The following MICAL2 variants were observed in gnomAD, a reference collection of about 807,000 sequenced individuals.
MICAL2 encodes [F-actin]-monooxygenase MICAL2.
MICAL2 carries 77 observed loss-of-function variants against 127.3 expected under a neutral mutation model. The ratio of observed to expected loss-of-function variants is 0.60; its 90% CI spans 0.50 to 0.73. MICAL2 has a LOEUF of 0.73. MICAL2 is among the 30% of genes least tolerant of loss of function. The pLI, the probability that MICAL2 is intolerant of heterozygous loss-of-function variation, is 0.00. For synonymous variants in MICAL2, 570 were observed against 551.1 expected (o/e 1.03, Z -0.48); for missense variants, 1,351 against 1,434.4 (o/e 0.94, Z 0.94).
intron 29 of MICAL2, among the ~76,000 whole-genome samples, chr11:12,310,872 G>A (rs1360685241): frequency 1.3e-5 from 2 of 151,752 alleles, no homozygotes; most frequent in Admixed American, 6.6e-5. Context: ...AGTTTTTCTT[G>A]TAGAGATCTT....
Position 12,223,514 on chromosome 11 carries a change from C to G in MICAL2, c.1540+13C>G, listed in dbSNP as rs1245755269. ...CTCTCCAGGAAGGGTAAGCGGCCCT[C>G]CTGGGACCCTGGTGGGTGGCTGGGA... On this transcript the variant is annotated intron_variant, in intron 12 of 27. Coordinates refer to ENST00000683283, the MANE Select transcript of MICAL2 (RefSeq NM_001282663.2). 1.9e-6 allele frequency: 3 copies of G among 1,610,588 alleles called. No homozygotes were observed. In the South Asian group the frequency reaches 3.3e-5, roughly 18 times the overall value.
chr11:12,249,091 G>A (rs1437647500), intron 21 of MICAL2, 93 bp from the exon 22 acceptor site: 1 of 1,545,244 alleles, frequency 6.5e-7, no homozygotes, highest in East Asian at 2.3e-5. Flanking sequence ...AATGCCTGAA[G>A]TATCCTGTAA....
intron 3 of MICAL2, chr11:12,197,795 T>G (rs1198107694): frequency 6.6e-6 from 1 of 152,228 alleles, no homozygotes; most frequent in Non-Finnish European, 1.5e-5. Context: ...CTGCAGCTAC[T>G]GGTTACAGTT....
intron 9 of MICAL2, among the ~76,000 whole-genome samples, chr11:12,221,120 G>T (rs979418939): frequency 1.3e-5 from 2 of 152,134 alleles, no homozygotes; most frequent in African/African-American, 4.8e-5. Flanking sequence ...TTGAACCTAA[G>T]GCCCTTGGTT....
At chr11:12,327,708 AT>A (rs1434225590) in intron 32 of MICAL2, among the ~76,000 whole-genome samples, 1 of 150,908 alleles carries the variant, frequency 6.6e-6, no homozygotes, top group Non-Finnish European at 1.5e-5. Context: ...GGCCAGTCAC[AT>A]TATAAACCTT....
At chr11:12,147,732 C>T (rs544892442) in intron 2 of MICAL2, among the ~76,000 whole-genome samples, 1 of 152,202 alleles carries the variant, frequency 6.6e-6, no homozygotes, top group South Asian at 2.1e-4. Flanking sequence ...CAGCACCTAG[C>T]AAGGCCCCAG....
At chr11:12,119,462 G>C (rs2133455915) in intron 1 of MICAL2, among the ~76,000 whole-genome samples, 1 of 152,310 alleles carries the variant, frequency 6.6e-6, no homozygotes, top group South Asian at 2.1e-4. Context: ...TTTTAGAGCA[G>C]CACTTAAATT....
intron 32 of MICAL2, among the ~76,000 whole-genome samples, chr11:12,345,387 G>A (rs1307073040): frequency 6.6e-6 from 1 of 152,204 alleles, no homozygotes; most frequent in African/African-American, 2.4e-5. Context: ...CCAGTTTGGT[G>A]CATATAGAGT....
intron 3 of MICAL2, among the ~76,000 whole-genome samples, chr11:12,169,186 T>C (rs1312323014): frequency 1.3e-5 from 2 of 151,488 alleles, no homozygotes; most frequent in Non-Finnish European, 2.9e-5. Context: ...TATGGATGCA[T>C]GCACTGCCCC....
chr11:12,164,758 T>C (rs572406266), intron 3 of MICAL2, among the ~76,000 whole-genome samples: 138 of 152,296 alleles, frequency 9.1e-4, no homozygotes, highest in African/African-American at 3.3e-3. Context: ...GCTACTGTGA[T>C]TGGCAGCCCT....
chr11:12,220,164 G>T lies in MICAL2; in HGVS notation c.949-37G>T, dbSNP rs200327067. ...TGGGTATGAAGGCTAGCCCTTTAGA[G>T]GGGGAGGTTGCTGCACCATGTTTTC... On this transcript the variant is annotated intron_variant, in intron 8 of 27. Transcript: ENST00000683283. 21 of 1,611,748 alleles carry T rather than the reference G, an allele frequency of 1.3e-5. No individual in the cohort carries two copies. The East Asian group carries it at 3.1e-4, about 24-fold the overall frequency.
chr11:12,295,945 C>A (rs1863980606), downstream of MICAL2, among the ~76,000 whole-genome samples: 2 of 152,094 alleles, frequency 1.3e-5, no homozygotes, highest in South Asian at 4.2e-4. Flanking sequence ...AGCCTAAACA[C>A]TTACGCATAT....
At chr11:12,240,948 C>G in intron 17 of MICAL2, 92 bp from the exon 18 acceptor site, 3 of 1,496,078 alleles carry the variant, frequency 2.0e-6, no homozygotes, top group African/African-American at 1.4e-5. Flanking sequence ...CCCTGCTCCT[C>G]TTCTCTTCTC....
intron 32 of MICAL2, among the ~76,000 whole-genome samples, chr11:12,331,920 G>C (rs1827895678): frequency 6.6e-6 from 1 of 151,996 alleles, no homozygotes; most frequent in Admixed American, 6.6e-5. Context: ...TTATTTGTTT[G>C]TTCATCCATT....
chr11:12,225,200 T>C (rs1031779535), intron 13 of MICAL2, among the ~76,000 whole-genome samples: 1 of 152,128 alleles, frequency 6.6e-6, no homozygotes, highest in Admixed American at 6.5e-5. Context: ...TTTATAGAAT[T>C]AGGTTTGAGA....
chr11:12,340,277 A>C (rs1435285320), intron 32 of MICAL2, among the ~76,000 whole-genome samples: 1 of 152,266 alleles, frequency 6.6e-6, no homozygotes, highest in Non-Finnish European at 1.5e-5. Flanking sequence ...AGAATACTTA[A>C]TGTCCAATAA....
chr11:12,205,218 C>T (rs1039840138), intron 4 of MICAL2, among the ~76,000 whole-genome samples: 6 of 152,148 alleles, frequency 3.9e-5, no homozygotes, highest in African/African-American at 1.4e-4. Context: ...TTCCTCAAGC[C>T]TGGAGCTCTC....
At chr11:12,259,241 G>A (rs549989671) in intron 25 of MICAL2, among the ~76,000 whole-genome samples, 2 of 152,236 alleles carry the variant, frequency 1.3e-5, no homozygotes, top group African/African-American at 4.8e-5. Context: ...CCCTTTCCAG[G>A]CTTTTTTTCT....
upstream of MICAL2, among the ~76,000 whole-genome samples, chr11:12,273,668 G>C (rs746051647): frequency 6.6e-6 from 1 of 152,004 alleles, no homozygotes; most frequent in Non-Finnish European, 1.5e-5. Flanking sequence ...ATCTCCCAGA[G>C]AGAACACATG....
Sources: gnomAD v4.1 joint callset for allele counts (sites outside exome capture counted in the v4.1 genomes callset) on GRCh38, gnomAD v4.1.1 for gene constraint, MANE v1.5 for transcripts, NCBI Gene and HGNC (gene_info 2026-07-23, HGNC 2026-07-21) for gene names.